The following GRM7 variants were observed in gnomAD, a reference collection of about 807,000 sequenced individuals.
GRM7 encodes the protein metabotropic glutamate receptor 7.
GRM7 carries 35 observed loss-of-function variants against 84.5 expected under a neutral mutation model. The ratio of observed to expected loss-of-function variants is 0.41; its 90% CI spans 0.32 to 0.55. The LOEUF is 0.55. GRM7 is among the 20% of genes least tolerant of loss of function. The pLI, the probability that GRM7 is intolerant of heterozygous loss-of-function variation, is 0.19. For synonymous variants in GRM7, 487 were observed against 455.1 expected (o/e 1.07, Z -0.89); for missense variants, 1,003 against 1,194.6 (o/e 0.84, Z 2.36).
At chr3:6,866,233 A>G (rs1574942955) in intron 1 of GRM7, among the ~76,000 whole-genome samples, 2 of 152,162 alleles carry the variant, frequency 1.3e-5, no homozygotes, top group South Asian at 2.1e-4. Context: ...GATATAAAAG[A>G]CCATACTTGG....
chr3:7,345,946 A>G (rs1692872694), intron 4 of GRM7, among the ~76,000 whole-genome samples: 1 of 152,162 alleles, frequency 6.6e-6, no homozygotes, highest in Admixed American at 6.6e-5. Flanking sequence ...ATGATTAACA[A>G]TATCAATACA....
intron 1 of GRM7, among the ~76,000 whole-genome samples, chr3:7,083,252 G>A (rs1471509422): frequency 6.6e-6 from 1 of 152,054 alleles, no homozygotes; most frequent in Non-Finnish European, 1.5e-5. Context: ...CAACAACATC[G>A]AGGCAAGATC....
chr3:7,309,753 G>A (rs984122), intron 4 of GRM7, among the ~76,000 whole-genome samples: 1 of 151,936 alleles, frequency 6.6e-6, no homozygotes, highest in African/African-American at 2.4e-5. Flanking sequence ...GGGAACTTTA[G>A]TGTTTCTTAG....
chr3:6,887,397 C>G (rs886164691), intron 1 of GRM7, among the ~76,000 whole-genome samples: 12 of 150,752 alleles, frequency 8.0e-5, no homozygotes, highest in Non-Finnish European at 1.2e-4. Context: ...CACCCCACAA[C>G]AGTCCACAGA....
At chr3:7,452,901 T>C (rs1373656956) in intron 6 of GRM7, 94 bp downstream of exon 6, 2 of 769,252 alleles carry the variant, frequency 2.6e-6, no homozygotes, top group Non-Finnish European at 4.3e-6. Flanking sequence ...CTTTAAAATA[T>C]GTGTCAAAAC....
intron 1 of GRM7, among the ~76,000 whole-genome samples, chr3:6,981,264 C>G (rs1250787659): frequency 6.6e-6 from 1 of 152,082 alleles, no homozygotes. Context: ...GCTTTAAGAA[C>G]TCTGTTATAG....
At position 6,861,181 on chromosome 3, in the gene GRM7, A is replaced by T; in HGVS notation, c.-208A>T. The T allele has an allele frequency of 2.2e-6, 1 of 447,054 alleles. No individual in the cohort carries two copies. 27.7% of individuals were successfully genotyped at this position (447,054 alleles called of 1,614,324 possible). A position where few individuals can be genotyped will look rare whatever the true frequency, so the allele number is the denominator to read the frequency against. ...CGCGAGCGCGGCGCGCCGGCCGGCT[A>T]ACCCGAGAGCGCGAGGCGCCCCAGG... On this transcript the variant is annotated 5_prime_UTR_variant, in exon 1 of 10. Transcript: ENST00000357716. The surrounding 1 kb of genome is among the most constrained non-coding windows in gnomAD (Gnocchi z 6.4).
chr3:7,530,814 G>A (rs1210447716), intron 7 of GRM7, among the ~76,000 whole-genome samples: 2 of 149,068 alleles, frequency 1.3e-5, no homozygotes, highest in Admixed American at 6.7e-5. Context: ...CTGTAAATTT[G>A]TTTCTTTGTG....
In GRM7 at chr3:6,974,419, A is replaced by G. The variant is rs1427645365; in HGVS notation, c.519+112512A>G. On this transcript the variant is annotated intron_variant, in intron 1 of 9. Transcript: ENST00000357716. The stretch of plus-strand genomic sequence containing the variant: ...CCTAGAAATAACATTTATTGCCAAG[A>G]GAATGCTTTTGTTGAGATGTTGTTG... Among the ~76,000 whole-genome samples, 6 of 152,308 alleles carry G rather than the reference A, an allele frequency of 3.9e-5. No homozygotes were observed. The South Asian group carries it at 1.2e-3, about 32-fold the overall frequency.
chr3:7,172,534 T>C (rs1473491636), intron 2 of GRM7, among the ~76,000 whole-genome samples: 1 of 148,864 alleles, frequency 6.7e-6, no homozygotes, highest in African/African-American at 2.5e-5. Context: ...AAAGACCATA[T>C]GTAGTCTTCC....
At chr3:7,297,417 A>T (rs1699851011) in intron 2 of GRM7, among the ~76,000 whole-genome samples, 1 of 152,208 alleles carries the variant, frequency 6.6e-6, no homozygotes, top group Non-Finnish European at 1.5e-5. Flanking sequence ...GTCTATCTTA[A>T]TAAATATTGC....
chr3:7,578,759 C>A lies in GRM7; in HGVS notation c.1853C>A (p.Thr618Lys). 1 of 1,613,350 alleles carries A rather than the reference C, an allele frequency of 6.2e-7. No individual in the cohort carries two copies. The highest frequency in any genetic ancestry group is 8.5e-7 in the Non-Finnish European group (1 of 1,179,298). Residue 618 changes from threonine to lysine, a missense_variant, in exon 8 of 10, where the codon ACG becomes AAG. This residue lies in a region of GRM7 where 910 missense variants were observed against 1,126.0 expected (regional missense o/e 0.81). Coordinates refer to ENST00000357716, the MANE Select transcript of GRM7 (RefSeq NM_000844.4). ...GCCACTTTCATCCGCTACAATGACA[C>A]GCCCATTGTCCGGGCATCTGGGCGG... ...VMATFIRYND[T>K]PIVRASGREL... is the part of the protein sequence containing the mutation.
intron 2 of GRM7, among the ~76,000 whole-genome samples, chr3:7,241,799 A>G (rs1697568565): frequency 6.6e-6 from 1 of 152,148 alleles, no homozygotes; most frequent in Non-Finnish European, 1.5e-5. Context: ...GCACATCTCC[A>G]GGTTTTTATT....
chr3:7,537,626 C>T (rs967686658), intron 7 of GRM7, among the ~76,000 whole-genome samples: 1 of 152,130 alleles, frequency 6.6e-6, no homozygotes, highest in Non-Finnish European at 1.5e-5. Context: ...ATTGATTAGA[C>T]TTTAGGTCAG....
intron 4 of GRM7, among the ~76,000 whole-genome samples, chr3:7,320,791 A>T (rs1366834478): frequency 6.6e-6 from 1 of 150,596 alleles, no homozygotes; most frequent in African/African-American, 2.4e-5. Context: ...AGTTCTTTTT[A>T]TTGCTGTGTA....
intron 7 of GRM7, among the ~76,000 whole-genome samples, chr3:7,531,278 CT>C (rs952330153): frequency 1.8e-4 from 27 of 152,078 alleles, no homozygotes; most frequent in Non-Finnish European, 3.5e-4. Context: ...TATCTGAGGC[CT>C]TTTTTTCTGT....
intron 5 of GRM7, among the ~76,000 whole-genome samples, chr3:7,423,254 G>A (rs1163341711): frequency 1.3e-5 from 2 of 152,130 alleles, no homozygotes; most frequent in African/African-American, 4.8e-5. Flanking sequence ...TTGAAATCCC[G>A]GGAGTATTCA....
chr3:7,148,086 T>C (rs1002904208), intron 2 of GRM7, among the ~76,000 whole-genome samples: 1 of 152,226 alleles, frequency 6.6e-6, no homozygotes, highest in Non-Finnish European at 1.5e-5. Flanking sequence ...TTAGAAACTT[T>C]CTGATTAGGA....
At chr3:6,936,230 T>C (rs986553259) in intron 1 of GRM7, among the ~76,000 whole-genome samples, 2 of 152,216 alleles carry the variant, frequency 1.3e-5, no homozygotes, top group African/African-American at 4.8e-5. Flanking sequence ...GCTTCAGCAG[T>C]AGAGGGCAGC....
Sources: allele counts gnomAD v4.1 joint callset (sites outside exome capture counted in the v4.1 genomes callset), GRCh38; gene constraint gnomAD v4.1.1; regional missense constraint gnomAD v4.1.1; non-coding constraint Gnocchi (gnomAD v3.1); transcripts MANE v1.5; gene names NCBI Gene and HGNC (gene_info 2026-07-23, HGNC 2026-07-21).